RPTOR: variants seen among roughly 807,000 people sequenced by gnomAD.
The protein encoded by RPTOR is regulatory-associated protein of mTOR.
Under a neutral mutation model 169.9 loss-of-function variants are expected in RPTOR, and 21 were observed. The observed-to-expected ratio is 0.12, with a 90% CI of 0.09 to 0.18. The LOEUF (loss-of-function observed/expected upper bound fraction) is 0.18, where lower values mean the gene tolerates loss of function less well. Among genes scored for constraint, RPTOR ranks in the 10% least tolerant of loss-of-function variants. The pLI, the probability that RPTOR is intolerant of heterozygous loss-of-function variation, is 1.00. For synonymous variants in RPTOR, 732 were observed against 753.2 expected (o/e 0.97, Z 0.46); for missense variants, 1,133 against 1,855.9 (o/e 0.61, Z 7.16).
At chr17:80,943,838 G>GTCAGGT (rs11271209) in intron 25 of RPTOR, among the ~76,000 whole-genome samples, 208 of 151,364 alleles carry the variant, frequency 1.4e-3, no homozygotes, top group African/African-American at 1.7e-3. Context: ...GTAAGAGCCA[G>GTCAGGT]GCGGTGTCTC....
intron 24 of RPTOR, among the ~76,000 whole-genome samples, chr17:80,937,783 C>T (rs1269343798): frequency 6.6e-6 from 1 of 152,232 alleles, no homozygotes; most frequent in Non-Finnish European, 1.5e-5. Context: ...GCGGCGGTCA[C>T]ATCCTAGTTT....
intron 17 of RPTOR, among the ~76,000 whole-genome samples, chr17:80,889,497 C>T (rs564442980): frequency 6.6e-6 from 1 of 152,258 alleles, no homozygotes; most frequent in East Asian, 1.9e-4. Context: ...AATGTGGCCT[C>T]CCCGTCTGTG....
chr17:80,638,771 C>A (rs770742204), intron 2 of RPTOR, among the ~76,000 whole-genome samples: 21 of 152,200 alleles, frequency 1.4e-4, no homozygotes, highest in Non-Finnish European at 2.2e-4. Flanking sequence ...TAAAACAGGA[C>A]ATGTTCATCC....
In RPTOR at chr17:80,942,477, G is replaced by A. The variant is rs530275404; in HGVS notation, c.3025+1876G>A. Among the ~76,000 whole-genome samples, 35 of 151,916 alleles carry A rather than the reference G, an allele frequency of 2.3e-4. No homozygotes were observed. The South Asian group carries it at 2.5e-3, about 11-fold the overall frequency. On this transcript the variant is annotated intron_variant, in intron 25 of 33. Coordinates refer to ENST00000306801, the MANE Select transcript of RPTOR (RefSeq NM_020761.3). ...CACACAAAGGAGGAGCTGCTGAGCC[G>A]CTGGAGACACCACCAAATGAGGCCT...
intron 24 of RPTOR, among the ~76,000 whole-genome samples, chr17:80,930,935 CAG>C (rs1459050191): frequency 1.3e-5 from 2 of 152,312 alleles, no homozygotes; most frequent in East Asian, 3.9e-4. Context: ...GTTAAACAGT[CAG>C]GGGTCAGGTT....
chr17:80,705,613 C>T (rs143237623), intron 3 of RPTOR, among the ~76,000 whole-genome samples: 188 of 152,288 alleles, frequency 1.2e-3, no homozygotes, highest in African/African-American at 4.4e-3. Context: ...AACCGTGTTG[C>T]AGGAATTGGG....
intron 1 of RPTOR, among the ~76,000 whole-genome samples, chr17:80,618,257 G>A (rs12937163): frequency 0.19 from 28,682 of 152,196 alleles, 3,111 homozygotes; most frequent in East Asian, 0.28. Flanking sequence ...AAAGTGCTGG[G>A]ATGACAGGCG....
At chr17:80,917,270 G>A (rs1275397531) in intron 21 of RPTOR, among the ~76,000 whole-genome samples, 1 of 151,874 alleles carries the variant, frequency 6.6e-6, no homozygotes, top group Non-Finnish European at 1.5e-5. Flanking sequence ...GCGCTACCAT[G>A]CCCAGCTAAT....
In RPTOR at chr17:80,959,352, G is replaced by A. The variant is rs915486212; in HGVS notation, c.3478-726G>A. 1.3e-5 allele frequency among the ~76,000 whole-genome samples: 2 copies of A among 152,184 alleles called. No individual in the cohort carries two copies. Among genetic ancestry groups the A allele is most frequent in the African/African-American group, 4.8e-5 (2 of 41,446 alleles). ...CTTAGAGGCCCAGGTGGCCTGCGGG[G>A]CAGGTGCTGTTCCTGCAGAGGTGGG... On this transcript the variant is annotated intron_variant, in intron 29 of 33. Transcript: ENST00000306801. The surrounding 1 kb of genome is among the most constrained non-coding windows in gnomAD (Gnocchi z 6.7).
In RPTOR at chr17:80,844,244, A is replaced by T. The variant is rs2067701875; in HGVS notation, c.1213-2229A>T. Among the ~76,000 whole-genome samples the T allele has an allele frequency of 6.6e-6, 1 of 152,156 alleles. No homozygotes were observed. The highest frequency in any genetic ancestry group is 1.5e-5 in the Non-Finnish European group (1 of 68,030). On this transcript the variant is annotated intron_variant, in intron 10 of 33. Transcript: ENST00000306801. The surrounding 1 kb of genome is among the most constrained non-coding windows in gnomAD (Gnocchi z 4.7). ...CCTCCCCGTGGCTTTAGGGAGCTTCACGGGCTTCACCGCGCACCTGCCAGG... is the reference window on the plus strand; with the variant it reads ...CCTCCCCGTGGCTTTAGGGAGCTTCTCGGGCTTCACCGCGCACCTGCCAGG...
chr17:80,818,702 T>C (rs2067348854), intron 7 of RPTOR, among the ~76,000 whole-genome samples: 1 of 152,198 alleles, frequency 6.6e-6, no homozygotes, highest in African/African-American at 2.4e-5. Flanking sequence ...GCTGGGCAGA[T>C]GACTCTGTCT....
chr17:80,854,047 C>T (rs2067825656), intron 11 of RPTOR, among the ~76,000 whole-genome samples: 2 of 151,844 alleles, frequency 1.3e-5, no homozygotes, highest in South Asian at 4.2e-4. Flanking sequence ...CTGGCAGAGC[C>T]CACTCTAACT....
At chr17:80,565,888 A>AGGAGCTGCG (rs1568307379) in intron 1 of RPTOR, among the ~76,000 whole-genome samples, 2 of 152,154 alleles carry the variant, frequency 1.3e-5, no homozygotes, top group Non-Finnish European at 2.9e-5. Flanking sequence ...CAGGAGCTGC[A>AGGAGCTGCG]TCTAGCGCTG....
At chr17:80,765,356 T>C (rs948971528) in intron 6 of RPTOR, among the ~76,000 whole-genome samples, 24 of 152,292 alleles carry the variant, frequency 1.6e-4, no homozygotes, top group African/African-American at 5.5e-4. Flanking sequence ...CATTTTGACT[T>C]TGCACCGTCC....
intron 1 of RPTOR, chr17:80,602,564 A>G: frequency 1.7e-6 from 1 of 592,128 alleles, no homozygotes; most frequent in East Asian, 3.7e-5. Flanking sequence ...TCTCATCCAC[A>G]TTGACTGTCT....
At chr17:80,904,056 C>T (rs1407251230) in intron 20 of RPTOR, among the ~76,000 whole-genome samples, 7 of 152,360 alleles carry the variant, frequency 4.6e-5, no homozygotes, top group East Asian at 3.9e-4. Context: ...GCTGAGAAAA[C>T]GATGCAGACG....
chr17:80,594,241 G>C (rs915263312), intron 1 of RPTOR, among the ~76,000 whole-genome samples: 1 of 152,016 alleles, frequency 6.6e-6, no homozygotes, highest in Non-Finnish European at 1.5e-5. Flanking sequence ...TTAGAGGTGC[G>C]TGCCACCATG....
intron 6 of RPTOR, among the ~76,000 whole-genome samples, chr17:80,769,958 G>C (rs753218539): frequency 4.4e-4 from 67 of 152,260 alleles, no homozygotes; most frequent in Non-Finnish European, 7.9e-4. Context: ...AGTCACACGG[G>C]GGTCTCCACC....
intron 1 of RPTOR, among the ~76,000 whole-genome samples, chr17:80,547,617 T>G (rs2084292880): frequency 6.6e-6 from 1 of 152,118 alleles, no homozygotes; most frequent in Non-Finnish European, 1.5e-5. Flanking sequence ...ACATCTTCAG[T>G]TGAGTGTGTG....
Sources: allele counts gnomAD v4.1 joint callset (sites outside exome capture counted in the v4.1 genomes callset), GRCh38; gene constraint gnomAD v4.1.1; non-coding constraint Gnocchi (gnomAD v3.1); transcripts MANE v1.5; gene names NCBI Gene and HGNC (gene_info 2026-07-23, HGNC 2026-07-21).